Variants in GPR137C observed in about 807,000 individuals in gnomAD.
The protein encoded by GPR137C is integral membrane protein GPR137C.
GPR137C carries 27 observed loss-of-function variants against 43.4 expected under a neutral mutation model. That is an observed-to-expected ratio of 0.62 (90% confidence interval 0.46 to 0.86). The LOEUF (loss-of-function observed/expected upper bound fraction) is 0.86. GPR137C is among the 40% of genes least tolerant of loss of function. The pLI is 0.00. For missense variants in GPR137C, 522 were observed against 534.6 expected, an observed-to-expected ratio of 0.98 and a Z score of 0.23; for synonymous variants, 285 against 226.9, an observed-to-expected ratio of 1.26 and a Z score of -2.30.
chr14:52,564,411 C>T (rs777325768), intron 1 of GPR137C, among the ~76,000 whole-genome samples: 13 of 152,078 alleles, frequency 8.5e-5, no homozygotes, highest in Non-Finnish European at 1.6e-4. Context: ...CCTCATTCCT[C>T]ACCATTCCAG....
intron 3 of GPR137C, among the ~76,000 whole-genome samples, chr14:52,608,449 A>G (rs1425647196): frequency 6.6e-6 from 1 of 152,102 alleles, no homozygotes; most frequent in East Asian, 1.9e-4. Context: ...GCATTTTTAT[A>G]TTGCCTGTCT....
intron 1 of GPR137C, among the ~76,000 whole-genome samples, chr14:52,583,840 A>G (rs1485100321): frequency 6.6e-6 from 1 of 152,112 alleles, no homozygotes; most frequent in East Asian, 1.9e-4. Flanking sequence ...TAATGTCTCA[A>G]TTCAGTGGTT....
chr14:52,610,884 A>G (rs1360214043), intron 3 of GPR137C, among the ~76,000 whole-genome samples: 1 of 152,212 alleles, frequency 6.6e-6, no homozygotes, highest in Non-Finnish European at 1.5e-5. Context: ...CTCTGCTAGT[A>G]ACCACCATGC....
At chr14:52,631,985 C>T (rs972548603) in intron 3 of GPR137C, among the ~76,000 whole-genome samples, 175 bp from the exon 4 acceptor site, 3 of 149,774 alleles carry the variant, frequency 2.0e-5, no homozygotes, top group Non-Finnish European at 4.4e-5. Context: ...ACATATTAAA[C>T]ACAAGCAGTT....
intron 1 of GPR137C, among the ~76,000 whole-genome samples, chr14:52,576,613 A>C (rs2038556393): frequency 6.6e-6 from 1 of 152,196 alleles, no homozygotes. Flanking sequence ...CACTCCACTT[A>C]CATCACTATA....
At chr14:52,589,174 A>T (rs1447836660) in intron 1 of GPR137C, among the ~76,000 whole-genome samples, 3 of 152,234 alleles carry the variant, frequency 2.0e-5, no homozygotes, top group African/African-American at 7.2e-5. Context: ...TACATATAGT[A>T]GTTAAATTCA....
intron 1 of GPR137C, among the ~76,000 whole-genome samples, chr14:52,570,863 G>A (rs974960932): frequency 6.6e-6 from 1 of 152,110 alleles, no homozygotes; most frequent in East Asian, 1.9e-4. Flanking sequence ...CCTACAAAGA[G>A]ACTTAGACTC....
At chr14:52,590,114 A>G (rs184239599) in intron 1 of GPR137C, among the ~76,000 whole-genome samples, 1 of 152,196 alleles carries the variant, frequency 6.6e-6, no homozygotes, top group Non-Finnish European at 1.5e-5. Flanking sequence ...TTCCAGTGGC[A>G]CAAGATGTGG....
At chr14:52,630,699 G>T (rs1025106362) in intron 3 of GPR137C, among the ~76,000 whole-genome samples, 14 of 150,688 alleles carry the variant, frequency 9.3e-5, no homozygotes, top group South Asian at 2.1e-4. Flanking sequence ...TCTCAACCCC[G>T]CAAGAGCCCC....
Position 52,635,031 on chromosome 14 carries a change from GACAGAT to G in GPR137C, c.1209_1214del (p.Asp404_Thr405del), listed in dbSNP as rs1856667956. On this transcript the variant is annotated inframe_deletion, in exon 7 of 7. Transcript: ENST00000321662. Reference sequence around the variant, plus strand: ...TCACTCCCCACCTGAATGGACCTATGACAGATACTGCTCCTTTGCTCTTTACTTGTA... The same window carrying G: ...TCACTCCCCACCTGAATGGACCTATGACTGCTCCTTTGCTCTTTACTTGTA... The G allele has an allele frequency of 6.2e-7, 1 of 1,612,304 alleles. No individual in the cohort carries two copies. Among genetic ancestry groups the G allele is most frequent in the Non-Finnish European group, 8.5e-7 (1 of 1,179,256 alleles).
chr14:52,569,677 G>A (rs745896269), intron 1 of GPR137C, among the ~76,000 whole-genome samples: 4 of 151,624 alleles, frequency 2.6e-5, no homozygotes, highest in Non-Finnish European at 5.9e-5. Context: ...CTATCAAGCA[G>A]AAGAAAGGAT....
At chr14:52,628,585 C>A (rs1247781086) in intron 3 of GPR137C, among the ~76,000 whole-genome samples, 1 of 152,148 alleles carries the variant, frequency 6.6e-6, no homozygotes, top group Non-Finnish European at 1.5e-5. Context: ...CGCTTGAGGT[C>A]AGGAGTTCAA....
rs749377591 is a variant in GPR137C, at chr14:52,553,599, G to T, written c.444+8G>T. 7.1e-6 allele frequency: 11 copies of T among 1,555,834 alleles called. No homozygotes were observed. The Admixed American group carries it at 1.8e-4, about 25-fold the overall frequency. The stretch of plus-strand genomic sequence containing the variant: ...AACCTCTACCTGGCGGAGGTAAGGC[G>T]GGAGGGCCGGCATGCGGGGCCCGGG... On this transcript the variant is annotated splice_region_variant and intron_variant, in intron 1 of 6. Coordinates refer to ENST00000321662, the MANE Select transcript of GPR137C (RefSeq NM_001099652.2).
intron 1 of GPR137C, among the ~76,000 whole-genome samples, chr14:52,567,003 C>T (rs996080689): frequency 2.6e-5 from 4 of 152,118 alleles, no homozygotes; most frequent in Non-Finnish European, 5.9e-5. Flanking sequence ...ATCTCAACTA[C>T]TTGGGAGGCT....
In GPR137C at chr14:52,577,516, G is replaced by GCACACACACA. The variant is rs3064748; in HGVS notation, c.445-20740_445-20731dup. On this transcript the variant is annotated intron_variant, in intron 1 of 6. Transcript: ENST00000321662. ...CAAACATGCACGCGTGCGCGCGCGCGCACACACACACACACACACACACAC... is the reference window on the plus strand; with the variant it reads ...CAAACATGCACGCGTGCGCGCGCGCGCACACACACACACACACACACACACACACACACAC... Among the ~76,000 whole-genome samples the GCACACACACA allele has an allele frequency of 6.8e-3, 992 of 145,488 alleles. 8 individuals are homozygous for GCACACACACA. Among genetic ancestry groups the GCACACACACA allele is most frequent in the African/African-American group, 0.018 (714 of 39,586 alleles).
chr14:52,564,483 A>G (rs1436592319), intron 1 of GPR137C, among the ~76,000 whole-genome samples: 5 of 152,034 alleles, frequency 3.3e-5, no homozygotes, highest in Non-Finnish European at 7.4e-5. Context: ...GAGCCATTCC[A>G]TATTCTTTTC....
intron 1 of GPR137C, among the ~76,000 whole-genome samples, chr14:52,593,657 C>G (rs2038812949): frequency 6.6e-6 from 1 of 152,148 alleles, no homozygotes; most frequent in African/African-American, 2.4e-5. Flanking sequence ...GTTTGTAATT[C>G]TGTGGGATCG....
chr14:52,588,808 T>C (rs2038744280), intron 1 of GPR137C, among the ~76,000 whole-genome samples: 1 of 152,238 alleles, frequency 6.6e-6, no homozygotes, highest in Non-Finnish European at 1.5e-5. Flanking sequence ...ATGATTTTTG[T>C]AATTATACTG....
At chr14:52,599,622 T>G (rs1169170072) in intron 2 of GPR137C, among the ~76,000 whole-genome samples, 1 of 152,066 alleles carries the variant, frequency 6.6e-6, no homozygotes, top group African/African-American at 2.4e-5. Flanking sequence ...TTAGTAGAGA[T>G]GAGGTTTCTC....
Sources: allele counts gnomAD v4.1 joint callset (sites outside exome capture counted in the v4.1 genomes callset), GRCh38; gene constraint gnomAD v4.1.1; transcripts MANE v1.5; gene names NCBI Gene and HGNC (gene_info 2026-07-23, HGNC 2026-07-21).